TMPRSS9: variants seen among roughly 807,000 people sequenced by gnomAD.
The protein encoded by TMPRSS9 is transmembrane serine protease 9, also known as transmembrane protease serine 9.
A neutral mutation model predicts 111.4 loss-of-function variants in TMPRSS9; 113 were observed. The observed-to-expected ratio is 1.01, with a 90% confidence interval of 0.87 to 1.19. The LOEUF is 1.19. TMPRSS9 is among the 50% of genes most tolerant of loss of function. The probability of loss-of-function intolerance (pLI) is 0.00; values close to 1 mark genes in which losing one functional copy is unlikely to be tolerated. For synonymous variants in TMPRSS9, 805 were observed against 659.1 expected (o/e 1.22, Z -3.39); for missense variants, 1,803 against 1,513.1 (o/e 1.19, Z -3.18).
At chr19:2,412,620 C>T (rs17763639) in intron 9 of TMPRSS9, among the ~76,000 whole-genome samples, 14,116 of 152,108 alleles carry the variant, frequency 0.093, 945 homozygotes, top group East Asian at 0.26. Context: ...AAAGCTTTCT[C>T]TTGTGTCTTG....
In TMPRSS9 at chr19:2,422,145, GGCCAACCT is replaced by G. The variant is rs750243150; in HGVS notation, c.2453_2460del (p.Pro818LeufsTer11). ...CCCTGGGGCTGCCAGCAGGGTGACG[GGCCAACCT>G]GCCAACTCAACCTTATCTGCCGTGA... On this transcript the variant is annotated frameshift_variant, in exon 14 of 18. Coordinates refer to ENST00000648592, the Ensembl canonical transcript of TMPRSS9. LOFTEE classifies it high-confidence loss of function. 6.3e-7 allele frequency: 1 copy of G among 1,590,854 alleles called. No homozygotes were observed. Among genetic ancestry groups the G allele is most frequent in the Non-Finnish European group, 8.6e-7 (1 of 1,167,752 alleles).
exon 15 of TMPRSS9, chr19:2,424,100 G>A: frequency 7.7e-7 from 1 of 1,306,902 alleles, no homozygotes; most frequent in Non-Finnish European, 9.8e-7. Context: ...CTGTGGCCTG[G>A]CGCCGGCCGC....
At chr19:2,394,342 G>A (rs1329111091) in intron 1 of TMPRSS9, among the ~76,000 whole-genome samples, 1 of 152,078 alleles carries the variant, frequency 6.6e-6, no homozygotes, top group Non-Finnish European at 1.5e-5. Context: ...AGCAGTGATT[G>A]TGCCACTGCA....
chr19:2,372,868 A>G (rs576835272), intron 1 of TMPRSS9, among the ~76,000 whole-genome samples: 5 of 152,236 alleles, frequency 3.3e-5, no homozygotes, highest in African/African-American at 7.2e-5. Flanking sequence ...GTCTTGCTCT[A>G]TCACCCATGC....
At chr19:2,398,637 A>G (rs968635030) in intron 2 of TMPRSS9, among the ~76,000 whole-genome samples, 158 bp from the exon 4 acceptor site, 1 of 152,056 alleles carries the variant, frequency 6.6e-6, no homozygotes, top group East Asian at 1.9e-4. Flanking sequence ...ACATACATAC[A>G]TACGTACATA....
intron 2 of TMPRSS9, 105 bp downstream of exon 3, chr19:2,396,771 A>G (rs920300919): frequency 1.7e-5 from 24 of 1,446,152 alleles, no homozygotes; most frequent in African/African-American, 1.5e-4. Context: ...ACAGGCAACG[A>G]AGCTGAGGTG....
At chr19:2,377,526 TTCCCCTC>T (rs1230947523) in intron 1 of TMPRSS9, among the ~76,000 whole-genome samples, 1 of 15,668 alleles carries the variant, frequency 6.4e-5, no homozygotes, top group Non-Finnish European at 1.0e-4. Flanking sequence ...TCACCTTCCC[TTCCCCTC>T]TCCCCTCTCC....
intron 9 of TMPRSS9, 50 bp downstream of exon 10, chr19:2,410,444 G>A (rs76437746): frequency 0.043 from 68,806 of 1,603,824 alleles, 1,728 homozygotes; most frequent in Non-Finnish European, 0.048. Context: ...ATAGACACGA[G>A]CATGTTCAAA....
chr19:2,419,102 CCTTCCCTCCCTCCCTTTCCTTCT>C (rs1437460822), intron 13 of TMPRSS9, among the ~76,000 whole-genome samples: 2 of 71,644 alleles, frequency 2.8e-5, no homozygotes, highest in African/African-American at 5.6e-5. Flanking sequence ...CCCACCGTCT[CCTTCCCTCCCTCCCTTTCCTTCT>C]CTTCCCTCCC....
At chr19:2,423,695 G>C (rs1174687513) in intron 14 of TMPRSS9, among the ~76,000 whole-genome samples, 1 of 152,132 alleles carries the variant, frequency 6.6e-6, no homozygotes, top group Non-Finnish European at 1.5e-5. Flanking sequence ...GGAGGGCTTG[G>C]AGGTGATCAG....
intron 1 of TMPRSS9, among the ~76,000 whole-genome samples, chr19:2,377,036 C>T (rs1330664581): frequency 1.3e-5 from 2 of 151,608 alleles, no homozygotes; most frequent in African/African-American, 2.4e-5. Context: ...GGCTCCCTCA[C>T]GCTGGCTTCT....
At chr19:2,405,382 T>C in exon 7 of TMPRSS9, 1 of 1,600,658 alleles carries the variant, frequency 6.2e-7, no homozygotes, top group African/African-American at 1.4e-5. Context: ...AGAGTGTGGC[T>C]TGCAGCCTGC....
Position 2,410,242 on chromosome 19 carries a change from C to G in TMPRSS9, c.1118-16C>G, listed in dbSNP as rs372886440. On this transcript the variant is annotated splice_polypyrimidine_tract_variant and intron_variant, in intron 8 of 17. Coordinates refer to ENST00000648592, the Ensembl canonical transcript of TMPRSS9. ...TCCGGCACTCTCACCCTGCTTTTCTCTCCCCATTCGGCCAGTGGTCAAGCC... is the reference window on the plus strand; with the variant it reads ...TCCGGCACTCTCACCCTGCTTTTCTGTCCCCATTCGGCCAGTGGTCAAGCC... 1 of 1,613,432 alleles carries G rather than the reference C, an allele frequency of 6.2e-7. No homozygotes were observed. Among genetic ancestry groups the G allele is most frequent in the Non-Finnish European group, 8.5e-7 (1 of 1,179,692 alleles).
chr19:2,414,115 C>T (rs935663223), intron 10 of TMPRSS9, 97 bp downstream of exon 11: 7 of 1,314,388 alleles, frequency 5.3e-6, no homozygotes, highest in Middle Eastern at 1.9e-4. Flanking sequence ...TTTGGATCTT[C>T]CTGTTCAAGG....
chr19:2,424,340 C>G (rs1190036828), intron 15 of TMPRSS9, 83 bp downstream of exon 16: 1 of 1,254,848 alleles, frequency 8.0e-7, no homozygotes, highest in Non-Finnish European at 1.0e-6. Flanking sequence ...CGCACCCTGA[C>G]CCCCTCCTTT....
At chr19:2,391,480 A>T (rs1167042693) in intron 1 of TMPRSS9, among the ~76,000 whole-genome samples, 1 of 151,540 alleles carries the variant, frequency 6.6e-6, no homozygotes, top group Admixed American at 6.6e-5. Context: ...GTACAATACA[A>T]TTTGGGTTCC....
chr19:2,425,882 G>A (rs370031460), intron 17 of TMPRSS9, 45 bp from the exon 19 acceptor site: 23 of 1,543,564 alleles, frequency 1.5e-5, no homozygotes, highest in Non-Finnish European at 1.8e-5. Context: ...GGCTGCTGTA[G>A]GGGAGGTACC....
chr19:2,405,627 G>T, intron 7 of TMPRSS9, 82 bp downstream of exon 8: 5 of 1,385,884 alleles, frequency 3.6e-6, no homozygotes, highest in Non-Finnish European at 1.9e-6. Context: ...CGTCACTTCT[G>T]GTTTCCTTAG....
intron 13 of TMPRSS9, 116 bp downstream of exon 14, chr19:2,418,254 CCTT>C: frequency 9.8e-7 from 1 of 1,024,134 alleles, no homozygotes; most frequent in South Asian, 1.7e-5. Flanking sequence ...TTCCCCCCCT[CCTT>C]CCCTCCTTGT....
Sources: allele counts gnomAD v4.1 joint callset (sites outside exome capture counted in the v4.1 genomes callset), GRCh38; gene constraint gnomAD v4.1.1; transcripts MANE v1.5; gene names NCBI Gene and HGNC (gene_info 2026-07-23, HGNC 2026-07-21).